The following LINGO2 variants were observed in gnomAD, a reference collection of about 807,000 sequenced individuals.
The protein encoded by LINGO2 is leucine-rich repeat and immunoglobulin-like domain-containing nogo receptor-interacting protein 2.
LINGO2 carries 14 observed loss-of-function variants against 30.6 expected under a neutral mutation model. The ratio of observed to expected loss-of-function variants is 0.46; its 90% CI spans 0.30 to 0.72. LINGO2 has a LOEUF of 0.72. Ranked by LOEUF, LINGO2 falls within the 30% of genes least tolerant of loss-of-function variation. The pLI, the probability that LINGO2 is intolerant of heterozygous loss-of-function variation, is 0.07. For missense variants in LINGO2, 729 were observed against 751.7 expected (o/e 0.97, Z 0.35); for synonymous variants, 317 against 288.5 (o/e 1.10, Z -1.00).
chr9:28,679,324 T>C, the LINGO2 span, among the ~76,000 whole-genome samples: 1 of 152,142 alleles, frequency 6.6e-6, no homozygotes, highest in Non-Finnish European at 1.5e-5. Flanking sequence ...AAAACTCAGC[T>C]TCCCACATGA....
At chr9:29,139,660 A>G in the LINGO2 span, among the ~76,000 whole-genome samples, 1 of 152,242 alleles carries the variant, frequency 6.6e-6, no homozygotes, top group East Asian at 1.9e-4. Flanking sequence ...ATAAAACCAG[A>G]TGCATCAAAG....
the LINGO2 span, among the ~76,000 whole-genome samples, chr9:28,928,724 C>CT: frequency 5.3e-5 from 8 of 152,048 alleles, no homozygotes; most frequent in Non-Finnish European, 1.0e-4. Context: ...ATTCCTAATT[C>CT]TTTTTTTTGT....
At chr9:28,230,500 A>G (rs893885354) in intron 4 of LINGO2, among the ~76,000 whole-genome samples, 8 of 151,886 alleles carry the variant, frequency 5.3e-5, no homozygotes, top group African/African-American at 1.9e-4. Flanking sequence ...TTGGTAAGGT[A>G]AATCCCATCT....
At position 28,105,127 on chromosome 9, in the gene LINGO2, GA is replaced by G. The variant is rs555985668; in HGVS notation, c.-86-92723del. 3.9e-5 allele frequency among the ~76,000 whole-genome samples: 6 copies of G among 152,272 alleles called. No homozygotes were observed. The East Asian group carries it at 9.7e-4, about 25-fold the overall frequency. On this transcript the variant is annotated intron_variant, in intron 4 of 5. Transcript: ENST00000379992. ...GTATGCAGTAATAGACATCTAGAGA[GA>G]AAGTAAGAATATGCATGAACAGCTG...
At chr9:28,861,709 A>C in the LINGO2 span, among the ~76,000 whole-genome samples, 1 of 152,044 alleles carries the variant, frequency 6.6e-6, no homozygotes, top group Non-Finnish European at 1.5e-5. Context: ...GGCTGAAGTG[A>C]GCTATGATTG....
At chr9:27,950,177 C>A (rs200287354) in exon 6 of LINGO2, 2 of 1,614,016 alleles carry the variant, frequency 1.2e-6, no homozygotes, top group African/African-American at 2.7e-5. Context: ...ATATATAAAC[C>A]AAATCATTGT....
chr9:28,176,173 C>T (rs1366791563), intron 4 of LINGO2, among the ~76,000 whole-genome samples: 2 of 152,208 alleles, frequency 1.3e-5, no homozygotes, highest in Non-Finnish European at 2.9e-5. Context: ...GCACCTTCCA[C>T]AGCCCAGTCA....
the LINGO2 span, among the ~76,000 whole-genome samples, chr9:29,175,372 T>A: frequency 3.3e-5 from 5 of 152,206 alleles, no homozygotes; most frequent in Non-Finnish European, 7.3e-5. Context: ...TATACAATCC[T>A]AATTCTGTTG....
At chr9:28,968,486 TCTTA>T in the LINGO2 span, among the ~76,000 whole-genome samples, 2 of 152,166 alleles carry the variant, frequency 1.3e-5, no homozygotes, top group Admixed American at 6.5e-5. Context: ...TACTTGTCTA[TCTTA>T]CTTACAATAT....
In LINGO2 at chr9:28,235,518, G is replaced by T. The variant is rs77991564; in HGVS notation, c.-87+59690C>A. Among the ~76,000 whole-genome samples the T allele has an allele frequency of 3.9e-3, 598 of 152,286 alleles. 3 individuals are homozygous for T. The highest frequency in any genetic ancestry group is 6.7e-3 in the Non-Finnish European group (456 of 68,020). On this transcript the variant is annotated intron_variant, in intron 4 of 5. Coordinates refer to ENST00000379992, the Ensembl canonical transcript of LINGO2. ...AAACAAGGTACCAGGGACAATCCTG[G>T]AGAAACAGAGATATGTAACCTTTCA...
chr9:29,081,657 T>C, the LINGO2 span, among the ~76,000 whole-genome samples: 1 of 152,182 alleles, frequency 6.6e-6, no homozygotes, highest in Non-Finnish European at 1.5e-5. Context: ...TGTTTGCAGA[T>C]TACATGATTC....
At chr9:29,091,777 C>T in the LINGO2 span, among the ~76,000 whole-genome samples, 2 of 151,976 alleles carry the variant, frequency 1.3e-5, no homozygotes, top group South Asian at 4.1e-4. Flanking sequence ...TTCACCTTGC[C>T]CATGAGTTAA....
intron 3 of LINGO2, among the ~76,000 whole-genome samples, chr9:28,363,952 G>C (rs927066719): frequency 6.9e-6 from 1 of 144,874 alleles, no homozygotes; most frequent in Non-Finnish European, 1.5e-5. Flanking sequence ...GAAAATATTT[G>C]TTGTAATTGC....
At chr9:28,604,532 G>A (rs550851953) in intron 1 of LINGO2, among the ~76,000 whole-genome samples, 138 of 152,052 alleles carry the variant, frequency 9.1e-4, no homozygotes, top group African/African-American at 3.1e-3. Context: ...AAGACACCAC[G>A]GTTTAACATT....
intron 4 of LINGO2, among the ~76,000 whole-genome samples, chr9:28,013,726 A>T (rs1481061092): frequency 6.6e-6 from 1 of 152,150 alleles, no homozygotes; most frequent in African/African-American, 2.4e-5. Flanking sequence ...TTTCCCACAA[A>T]GATATTTCTG....
the LINGO2 span, among the ~76,000 whole-genome samples, chr9:28,912,644 C>A: frequency 6.6e-6 from 1 of 152,128 alleles, no homozygotes; most frequent in South Asian, 2.1e-4. Flanking sequence ...ATTTTCTCCT[C>A]ACATATAGTC....
the LINGO2 span, among the ~76,000 whole-genome samples, chr9:28,837,462 A>T: frequency 6.6e-6 from 1 of 151,202 alleles, no homozygotes; most frequent in South Asian, 2.1e-4. Flanking sequence ...CCTGACCAAC[A>T]TGGAGAAACC....
At chr9:28,404,543 GA>G (rs1172671479) in intron 2 of LINGO2, among the ~76,000 whole-genome samples, 2 of 152,066 alleles carry the variant, frequency 1.3e-5, no homozygotes, top group Non-Finnish European at 2.9e-5. Context: ...ATATTCAAAA[GA>G]AAAAATATAT....
At chr9:28,032,003 C>G (rs1823699139) in intron 4 of LINGO2, among the ~76,000 whole-genome samples, 1 of 149,190 alleles carries the variant, frequency 6.7e-6, no homozygotes, top group Admixed American at 6.8e-5. Flanking sequence ...CAGCTGGGTA[C>G]CTTTGTTACT....
Sources: gnomAD v4.1 joint callset for allele counts (sites outside exome capture counted in the v4.1 genomes callset) on GRCh38, gnomAD v4.1.1 for gene constraint, MANE v1.5 for transcripts, NCBI Gene and HGNC (gene_info 2026-07-23, HGNC 2026-07-21) for gene names.